The following AMOTL1 variants were observed in gnomAD, a reference collection of about 807,000 sequenced individuals.
AMOTL1 encodes the protein angiomotin-like protein 1.
In AMOTL1, 45 loss-of-function variants were observed where a neutral mutation model predicts 102.9. That is an observed-to-expected ratio of 0.44 (90% CI 0.34 to 0.56). The LOEUF (loss-of-function observed/expected upper bound fraction) is 0.56, where lower values mean the gene tolerates loss of function less well. Ranked by LOEUF, AMOTL1 falls within the 20% of genes least tolerant of loss-of-function variation. The pLI is 0.01. For synonymous variants in AMOTL1, 481 were observed against 484.7 expected, an observed-to-expected ratio of 0.99 and a Z score of 0.10; for missense variants, 1,114 against 1,225.6, an observed-to-expected ratio of 0.91 and a Z score of 1.36.
rs1952877014 is a variant in AMOTL1 at position 94,866,083 on chromosome 11, T to C, written c.2403T>C (p.Thr801=). 1 of 1,613,872 alleles carries C rather than the reference T, an allele frequency of 6.2e-7. No individual in the cohort carries two copies. The highest frequency in any genetic ancestry group is 1.3e-5 in the African/African-American group (1 of 74,914). Residue 801 remains threonine (T), a synonymous_variant, in exon 11 of 13, where the codon ACT becomes ACC. Coordinates refer to ENST00000433060, the MANE Select transcript of AMOTL1 (RefSeq NM_130847.3). The part of the protein sequence containing the change: ...ARSVPSIAAA[T]GTHSRQTSLT... Reference sequence around the variant, plus strand: ...CCGTTCCATCCATAGCAGCAGCTACTGGGACACACTCTCGCCAGACCTCTC... The same window carrying C: ...CCGTTCCATCCATAGCAGCAGCTACCGGGACACACTCTCGCCAGACCTCTC...
chr11:94,715,684 CT>C (rs1366003378), intron 1 of AMOTL1, among the ~76,000 whole-genome samples: 6 of 152,048 alleles, frequency 3.9e-5, no homozygotes, highest in African/African-American at 1.4e-4. Context: ...GTGTCAGGTC[CT>C]TCTGGCCTTC....
chr11:94,791,753 A>G (rs546550713), intron 1 of AMOTL1, among the ~76,000 whole-genome samples: 3 of 152,312 alleles, frequency 2.0e-5, no homozygotes, highest in East Asian at 1.9e-4. Context: ...AACTTTTGAC[A>G]TAGAAAACAG....
chr11:94,831,340 C>T, intron 5 of AMOTL1, 112 bp from the exon 6 acceptor site: 2 of 817,318 alleles, frequency 2.4e-6, no homozygotes, highest in South Asian at 1.9e-5. Flanking sequence ...GTTTTGGGCT[C>T]CTGCCTGAGC....
chr11:94,763,453 G>A (rs1354313050), upstream of AMOTL1, among the ~76,000 whole-genome samples: 1 of 152,104 alleles, frequency 6.6e-6, no homozygotes, highest in African/African-American at 2.4e-5. Context: ...GAAAAAGGCA[G>A]GAAAAAACAC....
chr11:94,800,816 C>T (rs908958327), intron 3 of AMOTL1, among the ~76,000 whole-genome samples: 10 of 152,262 alleles, frequency 6.6e-5, no homozygotes, highest in South Asian at 4.1e-4. Context: ...ATTTCATAGA[C>T]ACAACTCTGA....
At chr11:94,820,522 A>G (rs895827387) in intron 3 of AMOTL1, 8 of 152,164 alleles carry the variant, frequency 5.3e-5, no homozygotes, top group African/African-American at 9.7e-5. Flanking sequence ...AGCATCTCCA[A>G]CCTTCTTGGC....
At chr11:94,713,110 G>A (rs766560194) in intron 1 of AMOTL1, among the ~76,000 whole-genome samples, 10 of 151,302 alleles carry the variant, frequency 6.6e-5, no homozygotes, top group Non-Finnish European at 1.2e-4. Flanking sequence ...TTTTTAAAAG[G>A]CTCTCCTTCT....
rs961126128 is a variant in AMOTL1, at chr11:94,873,849, A to C, written c.*3054A>C. On this transcript the variant is annotated 3_prime_UTR_variant, in exon 13 of 13. Coordinates refer to ENST00000433060, the MANE Select transcript of AMOTL1 (RefSeq NM_130847.3). Reference sequence around the variant, plus strand: ...ATCTCAGAGCCTAAGAAATAGGACTAAGCCCAGAACTCCTAGAATCACCTA... The same window carrying C: ...ATCTCAGAGCCTAAGAAATAGGACTCAGCCCAGAACTCCTAGAATCACCTA... 6.6e-6 allele frequency: 1 copy of C among 152,384 alleles called. No individual in the cohort carries two copies. The highest frequency in any genetic ancestry group is 2.4e-5 in the African/African-American group (1 of 41,452). 9.4% of individuals were successfully genotyped at this position (152,384 alleles called of 1,614,324 possible).
At chr11:94,869,156 AAG>A in intron 11 of AMOTL1, 40 bp from the exon 12 acceptor site, 1 of 1,519,148 alleles carries the variant, frequency 6.6e-7, no homozygotes, top group Non-Finnish European at 8.8e-7. Flanking sequence ...AAAAAAAAAA[AAG>A]GAAAAAAAGA....
At chr11:94,798,625 G>A (rs1447665718) in intron 2 of AMOTL1, among the ~76,000 whole-genome samples, 13 of 152,094 alleles carry the variant, frequency 8.5e-5, no homozygotes, top group African/African-American at 2.9e-4. Flanking sequence ...GGTAGGTGTG[G>A]TGTCACTGGG....
Position 94,768,547 on chromosome 11 carries a change from G to A in AMOTL1, c.36G>A (p.Glu12=). Residue 12 remains glutamate, a synonymous_variant, in exon 1 of 13, where the codon GAG becomes GAA. Transcript: ENST00000433060. ...CAAAGTTGCGCCGGGGAACTTGTGAGCCTGCGGTGAAAGGTAACCAGCCCC... is the reference window on the plus strand; with the variant it reads ...CAAAGTTGCGCCGGGGAACTTGTGAACCTGCGGTGAAAGGTAACCAGCCCC... ...WRAKLRRGTC[E]PAVKGSPSAC... is the part of the protein sequence containing the mutation. 6.3e-7 allele frequency: 1 copy of A among 1,599,676 alleles called. No homozygotes were observed. The highest frequency in any genetic ancestry group is 8.5e-7 in the Non-Finnish European group (1 of 1,173,572).
intron 1 of AMOTL1, among the ~76,000 whole-genome samples, chr11:94,781,543 T>C: frequency 6.6e-6 from 1 of 152,108 alleles, no homozygotes; most frequent in Middle Eastern, 3.2e-3. Context: ...ACCTAAAAAC[T>C]CTCTTCATAA....
chr11:94,863,497 CAA>C (rs896959080), intron 9 of AMOTL1, among the ~76,000 whole-genome samples: 7 of 151,780 alleles, frequency 4.6e-5, no homozygotes, highest in Admixed American at 1.3e-4. Context: ...AAGGCTGAGA[CAA>C]GAGAATCGCT....
chr11:94,840,909 A>G (rs1267307333), intron 6 of AMOTL1, among the ~76,000 whole-genome samples: 1 of 152,032 alleles, frequency 6.6e-6, no homozygotes, highest in Non-Finnish European at 1.5e-5. Flanking sequence ...TGTAACAATG[A>G]GCAAAATCAA....
intron 1 of AMOTL1, among the ~76,000 whole-genome samples, chr11:94,780,184 C>T (rs907732550): frequency 1.3e-5 from 2 of 152,148 alleles, no homozygotes; most frequent in Non-Finnish European, 2.9e-5. Flanking sequence ...ATCCATCACT[C>T]CCTCCCTCAG....
intron 3 of AMOTL1, among the ~76,000 whole-genome samples, chr11:94,820,838 G>T (rs187703017): frequency 1.3e-5 from 2 of 152,246 alleles, no homozygotes; most frequent in Admixed American, 1.3e-4. Flanking sequence ...TCACAATAGG[G>T]TTCAAGCTCC....
chr11:94,730,132 C>T (rs1431704416), intron 2 of AMOTL1, among the ~76,000 whole-genome samples: 1 of 152,110 alleles, frequency 6.6e-6, no homozygotes, highest in Non-Finnish European at 1.5e-5. Flanking sequence ...AGTTCTTAAG[C>T]CAGCATCTCT....
chr11:94,858,613 A>G (rs1200735455), intron 8 of AMOTL1, among the ~76,000 whole-genome samples: 1 of 152,150 alleles, frequency 6.6e-6, no homozygotes, highest in East Asian at 1.9e-4. Flanking sequence ...GGGAATGGGT[A>G]CCCCAGGACA....
At chr11:94,757,066 G>A (rs906836202) in intron 3 of AMOTL1, among the ~76,000 whole-genome samples, 3 of 151,152 alleles carry the variant, frequency 2.0e-5, no homozygotes, top group African/African-American at 7.3e-5. Flanking sequence ...GGGGGATGGG[G>A]AGCTCAAATC....
Sources: allele counts gnomAD v4.1 joint callset (sites outside exome capture counted in the v4.1 genomes callset), GRCh38; gene constraint gnomAD v4.1.1; transcripts MANE v1.5; gene names NCBI Gene and HGNC (gene_info 2026-07-23, HGNC 2026-07-21).